The following WDFY3 variants were observed in gnomAD, a reference collection of about 807,000 sequenced individuals.
WDFY3 encodes the protein WD repeat and FYVE domain containing 3.
WDFY3 carries 66 observed loss-of-function variants against 409.6 expected under a neutral mutation model. The observed-to-expected ratio is 0.16, with a 90% CI of 0.13 to 0.20. The LOEUF (loss-of-function observed/expected upper bound fraction) is 0.20. Among genes scored for constraint, WDFY3 ranks in the 10% least tolerant of loss-of-function variants. The probability of loss-of-function intolerance (pLI) is 1.00; values close to 1 mark genes in which losing one functional copy is unlikely to be tolerated. For synonymous variants in WDFY3, 1,521 were observed against 1,537.1 expected (o/e 0.99, Z 0.25); for missense variants, 3,031 against 4,298.1 (o/e 0.71, Z 8.24).
In WDFY3 at chr4:84,787,562, ACTT is replaced by A. The variant is rs770680761; in HGVS notation, c.3818_3820del (p.Glu1273del). ...GGTAGTAACATTTGAAGAAGGTAAA[ACTT>A]CTTCTAGAAAATGTGTGGGTCCCAG... On this transcript the variant is annotated inframe_deletion, in exon 23 of 68. Coordinates refer to ENST00000295888, the MANE Select transcript of WDFY3 (RefSeq NM_014991.6). The A allele has an allele frequency of 6.2e-7, 1 of 1,614,152 alleles. No individual in the cohort carries two copies. Among genetic ancestry groups the A allele is most frequent in the Non-Finnish European group, 8.5e-7 (1 of 1,180,028 alleles).
rs181547564 is a variant in WDFY3, at chr4:84,788,758, T to G, written c.3669+968A>C. On this transcript the variant is annotated intron_variant, in intron 22 of 67. Transcript: ENST00000295888. ...AAGTGATCGCCCTAAAATGGATAACTGGCTATATCCCAGCATTTTGGGAGG... is the reference window on the plus strand; with the variant it reads ...AAGTGATCGCCCTAAAATGGATAACGGGCTATATCCCAGCATTTTGGGAGG... 2.6e-3 allele frequency among the ~76,000 whole-genome samples: 395 copies of G among 152,266 alleles called. 2 individuals are homozygous for G. The highest frequency in any genetic ancestry group is 9.1e-3 in the African/African-American group (378 of 41,572).
At chr4:84,956,575 T>C (rs948232626) in intron 1 of WDFY3, among the ~76,000 whole-genome samples, 2 of 152,344 alleles carry the variant, frequency 1.3e-5, no homozygotes, top group African/African-American at 4.8e-5. Context: ...ACAACTGTAA[T>C]TATTTTTTAA....
At chr4:84,675,950 C>A (rs914594873) in intron 67 of WDFY3, among the ~76,000 whole-genome samples, 3 of 151,968 alleles carry the variant, frequency 2.0e-5, no homozygotes, top group African/African-American at 7.3e-5. Flanking sequence ...GAATTAAAGA[C>A]CTAAATGTGA....
chr4:84,686,994 T>C (rs1728434744), intron 62 of WDFY3, among the ~76,000 whole-genome samples: 1 of 152,226 alleles, frequency 6.6e-6, no homozygotes, highest in African/African-American at 2.4e-5. Flanking sequence ...GAACTATTTA[T>C]TTCTGAAAAC....
At chr4:84,739,235 T>C (rs547998642) in intron 39 of WDFY3, 116 bp from the exon 40 acceptor site, 13 of 984,826 alleles carry the variant, frequency 1.3e-5, no homozygotes, top group South Asian at 7.7e-5. Context: ...ACTCAGCAGA[T>C]GCACAGAACA....
Position 84,696,054 on chromosome 4 carries a change from T to C in WDFY3, c.8817A>G (p.Gln2939=), listed in dbSNP as rs2148890508. ...NVFHHLFYEG[Q]VDIYNINDPL... The stretch of plus-strand genomic sequence containing the variant: ...GGTCATTGATGTTGTAGATATCCAC[T>C]TGACCCTCATAAAAAAGATGATGGA... The change falls in exon 58 of 68, where the codon CAA becomes CAG. Residue 2939 remains glutamine (Q), a synonymous_variant. Coordinates refer to ENST00000295888, the MANE Select transcript of WDFY3 (RefSeq NM_014991.6). The C allele has an allele frequency of 1.2e-6, 2 of 1,614,174 alleles. No individual in the cohort carries two copies. Among genetic ancestry groups the C allele is most frequent in the East Asian group, 4.5e-5 (2 of 44,864 alleles).
intron 32 of WDFY3, among the ~76,000 whole-genome samples, chr4:84,763,791 T>C (rs1429920884): frequency 6.6e-6 from 1 of 152,142 alleles, no homozygotes; most frequent in East Asian, 1.9e-4. Context: ...GAGCAGCATA[T>C]GCATGCTCAT....
chr4:84,759,824 G>A (rs1488694683), intron 32 of WDFY3, among the ~76,000 whole-genome samples: 21 of 151,480 alleles, frequency 1.4e-4, no homozygotes, highest in Middle Eastern at 3.4e-3. Context: ...GCCCTGGCCA[G>A]AACTTCCAAC....
intron 13 of WDFY3, among the ~76,000 whole-genome samples, chr4:84,814,183 T>A (rs954746474): frequency 6.6e-6 from 1 of 152,146 alleles, no homozygotes; most frequent in Admixed American, 6.5e-5. Context: ...GAAGTAGATA[T>A]AAGAAAACTC....
intron 58 of WDFY3, among the ~76,000 whole-genome samples, chr4:84,694,298 C>A (rs963045501): frequency 6.6e-6 from 1 of 152,162 alleles, no homozygotes; most frequent in Non-Finnish European, 1.5e-5. Flanking sequence ...CGCCAGGCTG[C>A]GGGTATATAA....
At chr4:84,746,547 ATCT>A (rs1294030235) in intron 36 of WDFY3, among the ~76,000 whole-genome samples, 2 of 152,198 alleles carry the variant, frequency 1.3e-5, no homozygotes, top group African/African-American at 4.8e-5. Flanking sequence ...CAGGCATTTA[ATCT>A]TCTGATTCAT....
At chr4:84,683,428 ATAC>A (rs1727742362) in intron 63 of WDFY3, among the ~76,000 whole-genome samples, 1 of 152,224 alleles carries the variant, frequency 6.6e-6, no homozygotes, top group South Asian at 2.1e-4. Flanking sequence ...ACAAAAGTGA[ATAC>A]TCCATTGCCT....
In WDFY3 at chr4:84,734,009, G is replaced by A. The variant is rs116812195; in HGVS notation, c.6994-400C>T. On this transcript the variant is annotated intron_variant, in intron 43 of 67. Transcript: ENST00000295888. ...GTAAAATAGCTACCACAACATGTAC[G>A]GGGGATATTCTAGGAAGTCAGATGA... Among the ~76,000 whole-genome samples the A allele has an allele frequency of 4.1e-3, 624 of 152,218 alleles. 4 individuals carry two copies. The highest frequency in any genetic ancestry group is 0.014 in the African/African-American group (583 of 41,552).
intron 17 of WDFY3, among the ~76,000 whole-genome samples, chr4:84,800,904 C>A (rs1415462515): frequency 6.6e-6 from 1 of 152,112 alleles, no homozygotes; most frequent in Non-Finnish European, 1.5e-5. Flanking sequence ...CCACAGCTTA[C>A]CTCCTGCTGT....
At chr4:84,756,821 G>T in intron 33 of WDFY3, 105 bp downstream of exon 33, 1 of 1,239,090 alleles carries the variant, frequency 8.1e-7, no homozygotes, top group Non-Finnish European at 1.1e-6. Flanking sequence ...TTAAATGTGG[G>T]GAAAGTGATG....
At chr4:84,818,865 C>A (rs895986569) in intron 12 of WDFY3, among the ~76,000 whole-genome samples, 1 of 152,064 alleles carries the variant, frequency 6.6e-6, no homozygotes, top group East Asian at 1.9e-4. Flanking sequence ...GACTTTTAGT[C>A]GTGCAGAGTA....
intron 32 of WDFY3, among the ~76,000 whole-genome samples, chr4:84,759,887 T>C (rs1437828832): frequency 6.7e-6 from 1 of 149,548 alleles, no homozygotes; most frequent in Admixed American, 6.7e-5. Flanking sequence ...GTGCCAGTTT[T>C]CAAAGGGAAT....
At chr4:84,843,141 T>C (rs374023476) in intron 5 of WDFY3, among the ~76,000 whole-genome samples, 1 of 152,202 alleles carries the variant, frequency 6.6e-6, no homozygotes, top group Non-Finnish European at 1.5e-5. Context: ...TACAATAGTA[T>C]AAGTTGAGAA....
At chr4:84,766,716 C>T (rs1743708286) in intron 30 of WDFY3, among the ~76,000 whole-genome samples, 1 of 152,174 alleles carries the variant, frequency 6.6e-6, no homozygotes, top group Admixed American at 6.5e-5. Context: ...CCTCTCAAAT[C>T]CTTAATTCTT....
Sources: allele counts gnomAD v4.1 joint callset (sites outside exome capture counted in the v4.1 genomes callset), GRCh38; gene constraint gnomAD v4.1.1; transcripts MANE v1.5; gene names NCBI Gene and HGNC (gene_info 2026-07-23, HGNC 2026-07-21).